The following RIPOR1 variants were observed in gnomAD, a reference collection of about 807,000 sequenced individuals.
RIPOR1 encodes the protein RHO family interacting cell polarization regulator 1, also known as rho family-interacting cell polarization regulator 1.
Under a neutral mutation model 116.5 loss-of-function variants are expected in RIPOR1, and 58 were observed. That is an observed-to-expected ratio of 0.50 (90% CI 0.40 to 0.62). RIPOR1 has a LOEUF of 0.62. Among genes scored for constraint, RIPOR1 ranks in the 20% least tolerant of loss-of-function variants. RIPOR1 has a pLI of 0.00. For synonymous variants in RIPOR1, 605 were observed against 650.0 expected, an observed-to-expected ratio of 0.93 and a Z score of 1.05; for missense variants, 1,372 against 1,586.2, an observed-to-expected ratio of 0.86 and a Z score of 2.29.
rs1411807287 is a variant in RIPOR1, at chr16:67,546,622, G to A, written c.*159G>A. 3.2e-6 allele frequency: 2 copies of A among 629,494 alleles called. No homozygotes were observed. Among genetic ancestry groups the A allele is most frequent in the Non-Finnish European group, 5.5e-6 (2 of 361,052 alleles). 39.0% of individuals were successfully genotyped at this position (629,494 alleles called of 1,614,324 possible). On this transcript the variant is annotated 3_prime_UTR_variant, in exon 22 of 22. Coordinates refer to ENST00000042381, the MANE Select transcript of RIPOR1 (RefSeq NM_024519.4). ...CTTCTGTTGCCCCTGGGGTTGGAGA[G>A]TCAGTGCCTGCAGTCAAGTGCCTCC...
chr16:67,544,861 T>C lies in RIPOR1; in HGVS notation c.2869+31T>C, dbSNP rs753101019. ...GGCCCTGGGGGTTCGGGCTCTGCCA[T>C]CTGCCTTGAAGCTCCTACCTCAGCC... On this transcript the variant is annotated intron_variant, in intron 16 of 21. Transcript: ENST00000042381. This position sits in a 1 kb window ranked among gnomAD's most constrained non-coding sequence, Gnocchi z 5.1. 1 of 1,591,882 alleles carries C rather than the reference T, an allele frequency of 6.3e-7. No homozygotes were observed. The highest frequency in any genetic ancestry group is 1.1e-5 in the South Asian group (1 of 89,738).
Position 67,529,565 on chromosome 16 carries a change from G to A in RIPOR1, c.-24+651G>A. ...CTGGGCTCTCTGCAGAACTGGTTTG[G>A]GCAAGGGGCTGCTCACCAGGGCTAG... On this transcript the variant is annotated intron_variant, in intron 1 of 21. Transcript: ENST00000042381. The surrounding 1 kb of genome is among the most constrained non-coding windows in gnomAD (Gnocchi z 4.1). 1 of 557,636 alleles carries A rather than the reference G, an allele frequency of 1.8e-6. No homozygotes were observed. Among genetic ancestry groups the A allele is most frequent in the Non-Finnish European group, 3.2e-6 (1 of 313,560 alleles). 34.5% of individuals were successfully genotyped at this position (557,636 alleles called of 1,614,324 possible). A position where few individuals can be genotyped will look rare whatever the true frequency, so the allele number is the denominator to read the frequency against.
At position 67,545,312 on chromosome 16, in the gene RIPOR1, C is replaced by T; in HGVS notation, c.3032-64C>T. 6.3e-7 allele frequency: 1 copy of T among 1,575,790 alleles called. No individual in the cohort carries two copies. Among genetic ancestry groups the T allele is most frequent in the Non-Finnish European group, 8.6e-7 (1 of 1,158,376 alleles). Reference sequence around the variant, plus strand: ...CCTGGACCTGAGCCTGGGATAGGAGCATCTCTCCCCTCTAAAAGCTGTGTT... The same window carrying T: ...CCTGGACCTGAGCCTGGGATAGGAGTATCTCTCCCCTCTAAAAGCTGTGTT... On this transcript the variant is annotated intron_variant, in intron 17 of 21. Coordinates refer to ENST00000042381, the MANE Select transcript of RIPOR1 (RefSeq NM_024519.4). The surrounding 1 kb of genome is among the most constrained non-coding windows in gnomAD (Gnocchi z 4.8).
At position 67,540,511 on chromosome 16, in the gene RIPOR1, T is replaced by G. The variant is rs767468922; in HGVS notation, c.675+10T>G. The G allele has an allele frequency of 6.2e-7, 1 of 1,614,064 alleles. No homozygotes were observed. The highest frequency in any genetic ancestry group is 2.2e-5 in the East Asian group (1 of 44,876). On this transcript the variant is annotated intron_variant, in intron 9 of 21. Transcript: ENST00000042381. This position sits in a 1 kb window ranked among gnomAD's most constrained non-coding sequence, Gnocchi z 4.7. Reference sequence around the variant, plus strand: ...AGGCGATCAGTATGAGGTATGAGAATGTGCAGGGAAGGGCTGGGTCGGTAG... The same window carrying G: ...AGGCGATCAGTATGAGGTATGAGAAGGTGCAGGGAAGGGCTGGGTCGGTAG...
chr16:67,536,023 A>G (rs888490334), intron 1 of RIPOR1, among the ~76,000 whole-genome samples: 1 of 152,214 alleles, frequency 6.6e-6, no homozygotes, highest in Admixed American at 6.5e-5. Context: ...GAAAGTAAGC[A>G]CAGTATGGGA....
chr16:67,525,966 A>G (rs2050536477), upstream of RIPOR1, among the ~76,000 whole-genome samples: 10 of 151,988 alleles, frequency 6.6e-5, no homozygotes, highest in Admixed American at 5.9e-4. Context: ...TAGCTCACCA[A>G]TTGTTAGGGA....
chr16:67,539,106 G>T, intron 4 of RIPOR1, 38 bp downstream of exon 4: 1 of 1,578,750 alleles, frequency 6.3e-7, no homozygotes, highest in South Asian at 1.1e-5. Context: ...TTGCCTCTTT[G>T]GTGTGGAGGG....
Position 67,543,774 on chromosome 16 carries a change from CT to C in RIPOR1, c.2600+307del. On this transcript the variant is annotated intron_variant, in intron 14 of 21. Coordinates refer to ENST00000042381, the MANE Select transcript of RIPOR1 (RefSeq NM_024519.4). This position sits in a 1 kb window ranked among gnomAD's most constrained non-coding sequence, Gnocchi z 4.7. ...AGCTTGGGTGCCTCCAGCCCCTCCT[CT>C]TCCCCTTGGCCTCACCTTGGACCTG... is the stretch of plus-strand genomic sequence containing the variant. 2.1e-6 allele frequency: 1 copy of C among 478,568 alleles called. No individual in the cohort carries two copies. Among genetic ancestry groups the C allele is most frequent in the East Asian group, 4.1e-5 (1 of 24,460 alleles). The allele number at this position is 478,568 out of a possible 1,614,324, so 29.6% of individuals were successfully genotyped here. A position where few individuals can be genotyped will look rare whatever the true frequency, so the allele number is the denominator to read the frequency against.
Position 67,542,961 on chromosome 16 carries a change from C to T in RIPOR1, c.2175C>T (p.Pro725=). 1 of 1,581,558 alleles carries T rather than the reference C, an allele frequency of 6.3e-7. No individual in the cohort carries two copies. The highest frequency in any genetic ancestry group is 8.6e-7 in the Non-Finnish European group (1 of 1,162,794). The change falls in exon 13 of 22, where the codon CCC becomes CCT. Residue 725 remains proline (P), a synonymous_variant. Coordinates refer to ENST00000042381, the MANE Select transcript of RIPOR1 (RefSeq NM_024519.4). The surrounding 1 kb of genome is among the most constrained non-coding windows in gnomAD (Gnocchi z 4.6). ...CAGACCCTATGGCCCCCAGAACTCC[C>T]CACCCAAGTCCTGCCCATTCCAGTA... ...TQADPMAPRT[P]HPSPAHSSRK... is the part of the protein sequence containing the mutation.
At chr16:67,520,568 C>T (rs575513058) in intron 1 of RIPOR1, among the ~76,000 whole-genome samples, 1 of 151,728 alleles carries the variant, frequency 6.6e-6, no homozygotes, top group East Asian at 1.9e-4. Flanking sequence ...TTTGGGAGGC[C>T]GAGGCAGGCA....
intron 1 of RIPOR1, among the ~76,000 whole-genome samples, chr16:67,533,702 T>C (rs983536099): frequency 6.6e-6 from 1 of 151,250 alleles, no homozygotes; most frequent in African/African-American, 2.4e-5. Context: ...AGTGAGAAAA[T>C]GCAGGTAGAC....
In RIPOR1 at chr16:67,540,414, C is replaced by A. The variant is rs1465123725; in HGVS notation, c.632-44C>A. 2 of 1,614,146 alleles carry A rather than the reference C, an allele frequency of 1.2e-6. No homozygotes were observed. The highest frequency in any genetic ancestry group is 1.7e-6 in the Non-Finnish European group (2 of 1,180,024). The stretch of plus-strand genomic sequence containing the variant: ...GGGCTGGAGGGAGTATGCTGAAGAA[C>A]CCCAATATGGCTCACCGACTTCTCC... On this transcript the variant is annotated intron_variant, in intron 8 of 21. Transcript: ENST00000042381. This position sits in a 1 kb window ranked among gnomAD's most constrained non-coding sequence, Gnocchi z 4.7.
chr16:67,527,853 C>CA (rs796470899), upstream of RIPOR1, among the ~76,000 whole-genome samples: 6,985 of 67,384 alleles, frequency 0.1, 290 homozygotes, highest in African/African-American at 0.17. Flanking sequence ...CACTCTGTCT[C>CA]AAAAAAAAAA....
At chr16:67,521,839 C>T (rs1319210668) in intron 1 of RIPOR1, among the ~76,000 whole-genome samples, 1 of 152,178 alleles carries the variant, frequency 6.6e-6, no homozygotes, top group Non-Finnish European at 1.5e-5. Context: ...CTTTTGAAAA[C>T]GATGCCATGT....
Position 67,545,790 on chromosome 16 carries a change from A to G in RIPOR1, c.3317A>G (p.Asn1106Ser), listed in dbSNP as rs550948181. The change falls in exon 19 of 22, where the codon AAC becomes AGC. Residue 1106 changes from asparagine (N) to serine (S), a missense_variant. Physicochemically the swap from Asn to Ser is conservative, Grantham distance 46 (BLOSUM62 1). This residue lies in a region of RIPOR1 where 1,005 missense variants were observed against 1,144.7 expected (regional missense o/e 0.88). Coordinates refer to ENST00000042381, the MANE Select transcript of RIPOR1 (RefSeq NM_024519.4). This position sits in a 1 kb window ranked among gnomAD's most constrained non-coding sequence, Gnocchi z 4.8. ...CTCAGCTCCCTGCTCGTCCATGGCA[A>G]CAACAAGGTCATGGCTGCTGTCAGC... Reference protein sequence around the residue: ...RALSSLLVHGNNKVMAAVSTQ... With the variant: ...RALSSLLVHGSNKVMAAVSTQ... 1 of 1,612,974 alleles carries G rather than the reference A, an allele frequency of 6.2e-7. No homozygotes were observed. The highest frequency in any genetic ancestry group is 1.3e-5 in the African/African-American group (1 of 75,022).
chr16:67,533,869 G>A (rs2050725711), intron 1 of RIPOR1, among the ~76,000 whole-genome samples: 2 of 148,444 alleles, frequency 1.3e-5, no homozygotes, highest in Admixed American at 6.8e-5. Context: ...GTGCAATGGT[G>A]CAATCTTGGC....
In RIPOR1 at chr16:67,545,753, G is replaced by A. The variant is rs528243439; in HGVS notation, c.3280G>A (p.Gly1094Arg). The A allele has an allele frequency of 5.5e-5, 88 of 1,611,780 alleles. 1 individual carries two copies. In the South Asian group the frequency reaches 7.7e-4, roughly 14 times the overall value. The change falls in exon 19 of 22, where the codon GGG becomes AGG. Residue 1094 changes from glycine to arginine, a missense_variant. Coordinates refer to ENST00000042381, the MANE Select transcript of RIPOR1 (RefSeq NM_024519.4). This position sits in a 1 kb window ranked among gnomAD's most constrained non-coding sequence, Gnocchi z 4.8. ...LAPEGRLRRD[G>R]LRALSSLLVH... Reference sequence around the variant, plus strand: ...GCCCGAGGGGCGTCTGCGAAGGGACGGGCTGCGGGCCCTCAGCTCCCTGCT... The same window carrying A: ...GCCCGAGGGGCGTCTGCGAAGGGACAGGCTGCGGGCCCTCAGCTCCCTGCT...
chr16:67,527,768 G>A (rs35031569), upstream of RIPOR1, among the ~76,000 whole-genome samples: 2,619 of 151,592 alleles, frequency 0.017, 26 homozygotes, highest in South Asian at 0.031. Flanking sequence ...CCAGCTACTC[G>A]GGAGGCTGAG....
At position 67,542,036 on chromosome 16, in the gene RIPOR1, G is replaced by A. The variant is rs762938282; in HGVS notation, c.1250G>A (p.Arg417His). 8 of 1,607,408 alleles carry A rather than the reference G, an allele frequency of 5.0e-6. No individual in the cohort carries two copies. The highest frequency in any genetic ancestry group is 1.7e-4 in the Middle Eastern group (1 of 6,052). Residue 417 changes from arginine to histidine, a missense_variant, in exon 13 of 22, where the codon CGC becomes CAC. Physicochemically the swap from Arg to His is conservative, Grantham distance 29. Around this residue, in one of 3 missense-constraint regions of RIPOR1, gnomAD observed 1,005 missense variants for 1,144.7 expected, o/e 0.88. Transcript: ENST00000042381. This position sits in a 1 kb window ranked among gnomAD's most constrained non-coding sequence, Gnocchi z 4.6. The part of the protein sequence containing the change: ...PEPLPIQVAF[R>H]RPETPSSGPL... Reference sequence around the variant, plus strand: ...CCCCTTCCCATCCAAGTTGCCTTCCGCAGGCCTGAGACCCCCAGCTCTGGG... The same window carrying A: ...CCCCTTCCCATCCAAGTTGCCTTCCACAGGCCTGAGACCCCCAGCTCTGGG...
Sources: allele counts gnomAD v4.1 joint callset (sites outside exome capture counted in the v4.1 genomes callset), GRCh38; gene constraint gnomAD v4.1.1; regional missense constraint gnomAD v4.1.1; non-coding constraint Gnocchi (gnomAD v3.1); transcripts MANE v1.5; gene names NCBI Gene and HGNC (gene_info 2026-07-23, HGNC 2026-07-21).